The following NIPSNAP2 variants were observed in gnomAD, a reference collection of about 807,000 sequenced individuals.
NIPSNAP2 encodes protein NipSnap homolog 2.
In NIPSNAP2, 42 loss-of-function variants were observed where a neutral mutation model predicts 48.4. The ratio of observed to expected loss-of-function variants is 0.87; its 90% CI spans 0.68 to 1.12. The LOEUF (loss-of-function observed/expected upper bound fraction) is 1.12, where lower values mean the gene tolerates loss of function less well. Ranked by LOEUF, NIPSNAP2 falls within the 50% of genes most tolerant of loss-of-function variation. The pLI, the probability that NIPSNAP2 is intolerant of heterozygous loss-of-function variation, is 0.00. For synonymous variants in NIPSNAP2, 158 were observed against 126.6 expected (o/e 1.25, Z -1.67); for missense variants, 314 against 347.3 (o/e 0.90, Z 0.76).
At chr7:55,984,778 G>A in intron 6 of NIPSNAP2, 69 bp from the exon 7 acceptor site, 2 of 1,247,444 alleles carry the variant, frequency 1.6e-6, no homozygotes, top group Non-Finnish European at 2.3e-6. Context: ...TTTTTCTACT[G>A]CTGTTTGCTA....
At chr7:55,992,582 G>T (rs887841821) in intron 7 of NIPSNAP2, among the ~76,000 whole-genome samples, 1 of 152,098 alleles carries the variant, frequency 6.6e-6, no homozygotes, top group Admixed American at 6.6e-5. Context: ...TATGAAGTTT[G>T]CCTCCAGGAA....
chr7:55,983,928 G>A, intron 6 of NIPSNAP2, 60 bp downstream of exon 6: 6 of 1,510,874 alleles, frequency 4.0e-6, no homozygotes, highest in Non-Finnish European at 5.5e-6. Flanking sequence ...CAAGCATTTT[G>A]TAAGGCTGAC....
chr7:55,977,577 A>G (rs1325623210), intron 1 of NIPSNAP2, among the ~76,000 whole-genome samples: 1 of 152,202 alleles, frequency 6.6e-6, no homozygotes, highest in African/African-American at 2.4e-5. Context: ...ACATTGTTGT[A>G]CAATCATCAC....
At position 56,000,088 on chromosome 7, in the gene NIPSNAP2, G is replaced by A. The variant is rs1452618549; in HGVS notation, c.*1016G>A. ...AATCAAGAATGTATGTGTAAAGTGT[G>A]AATAAATCTCATATCAAATGTCAAA... On this transcript the variant is annotated 3_prime_UTR_variant, in exon 10 of 10. Coordinates refer to ENST00000322090, the MANE Select transcript of NIPSNAP2 (RefSeq NM_001483.3). 1 of 152,594 alleles carries A rather than the reference G, an allele frequency of 6.6e-6. No homozygotes were observed. The highest frequency in any genetic ancestry group is 1.9e-4 in the East Asian group (1 of 5,194). The allele number at this position is 152,594 out of a possible 1,614,324, so 9.5% of individuals were successfully genotyped here.
chr7:55,969,359 A>T (rs1032070139), intron 1 of NIPSNAP2, among the ~76,000 whole-genome samples: 1 of 149,832 alleles, frequency 6.7e-6, no homozygotes, highest in East Asian at 2.1e-4. Context: ...GTGCTTCCAA[A>T]TGCTGGTGCT....
At chr7:55,978,466 C>A in intron 3 of NIPSNAP2, 71 bp downstream of exon 3, 2 of 1,249,458 alleles carry the variant, frequency 1.6e-6, no homozygotes, top group Non-Finnish European at 2.3e-6. Context: ...TCCACTAACA[C>A]TTGATAGCAT....
chr7:55,971,030 G>A (rs1023823415), intron 1 of NIPSNAP2, among the ~76,000 whole-genome samples: 6 of 152,110 alleles, frequency 3.9e-5, no homozygotes, highest in Non-Finnish European at 7.3e-5. Context: ...CATAGAGCCC[G>A]GCATAGAATG....
chr7:55,984,885 A>G lies in NIPSNAP2; in HGVS notation c.617+7A>G, dbSNP rs1361338375. ...TTGAATGGGGCAATTACTGGTGAGT[A>G]TATTACTGAATGGTGATTTTTTAAG... On this transcript the variant is annotated splice_region_variant and intron_variant, in intron 7 of 9. Coordinates refer to ENST00000322090, the MANE Select transcript of NIPSNAP2 (RefSeq NM_001483.3). The G allele has an allele frequency of 1.2e-6, 2 of 1,602,712 alleles. No homozygotes were observed. The highest frequency in any genetic ancestry group is 2.2e-5 in the East Asian group (1 of 44,778).
At chr7:55,968,476 C>T (rs1786943810) in intron 1 of NIPSNAP2, among the ~76,000 whole-genome samples, 1 of 151,576 alleles carries the variant, frequency 6.6e-6, no homozygotes, top group African/African-American at 2.4e-5. Flanking sequence ...ACCTCTGCCT[C>T]CCGGGTTCAA....
chr7:55,984,144 A>G (rs1275924859), intron 6 of NIPSNAP2, among the ~76,000 whole-genome samples: 3 of 152,202 alleles, frequency 2.0e-5, no homozygotes, highest in East Asian at 1.9e-4. Flanking sequence ...ATAAGGTACA[A>G]TATGTAACAT....
At chr7:55,968,209 A>G (rs974013387) in intron 1 of NIPSNAP2, among the ~76,000 whole-genome samples, 1 of 152,132 alleles carries the variant, frequency 6.6e-6, no homozygotes, top group Non-Finnish European at 1.5e-5. Flanking sequence ...CACAAGAGCA[A>G]TGAAAGACAT....
chr7:55,973,457 ATTTATTTTAT>A (rs997785964), intron 1 of NIPSNAP2, among the ~76,000 whole-genome samples: 1 of 151,130 alleles, frequency 6.6e-6, no homozygotes, highest in Non-Finnish European at 1.5e-5. Context: ...TTTATTTTTA[ATTTATTTTAT>A]TTTATTTTAT....
At position 55,964,663 on chromosome 7, in the gene NIPSNAP2, G is replaced by C. The variant is rs1462110042; in HGVS notation, c.54G>C (p.Leu18=). Residue 18 remains leucine (L), a synonymous_variant, in exon 1 of 10, where the codon CTG becomes CTC. Coordinates refer to ENST00000322090, the MANE Select transcript of NIPSNAP2 (RefSeq NM_001483.3). ...ARGAAWAGGL[L]QRAAPCSLLP... ...GAGCGGCCTGGGCCGGCGGCCTCCT[G>C]CAGCGGGCGGCCCCCTGCAGCCTCC... The C allele has an allele frequency of 2.7e-6, 3 of 1,114,144 alleles. No individual in the cohort carries two copies. Among genetic ancestry groups the C allele is most frequent in the Non-Finnish European group, 3.3e-6 (3 of 913,162 alleles). 69.0% of individuals were successfully genotyped at this position (1,114,144 alleles called of 1,614,324 possible).
At chr7:55,993,360 C>T (rs554351444) in intron 7 of NIPSNAP2, among the ~76,000 whole-genome samples, 27 of 150,770 alleles carry the variant, frequency 1.8e-4, no homozygotes, top group Non-Finnish European at 2.8e-4. Context: ...TTTGGGAGGC[C>T]GAAGCGGGGC....
At position 55,982,714 on chromosome 7, in the gene NIPSNAP2, T is replaced by G. The variant is rs763980430; in HGVS notation, c.444+434T>G. On this transcript the variant is annotated intron_variant, in intron 5 of 9. Coordinates refer to ENST00000322090, the MANE Select transcript of NIPSNAP2 (RefSeq NM_001483.3). ...TTGCAGTGAGCTGAGATTGCGCCACTGTACTCCAGCCTGGGCGACAGAGCA... is the reference window on the plus strand; with the variant it reads ...TTGCAGTGAGCTGAGATTGCGCCACGGTACTCCAGCCTGGGCGACAGAGCA... Among the ~76,000 whole-genome samples the G allele has an allele frequency of 4.6e-5, 7 of 150,746 alleles. No homozygotes were observed. The Admixed American group carries it at 4.6e-4, about 10-fold the overall frequency.
intron 7 of NIPSNAP2, among the ~76,000 whole-genome samples, chr7:55,993,689 GAGATC>G (rs1787496077): frequency 6.6e-6 from 1 of 151,784 alleles, no homozygotes; most frequent in Non-Finnish European, 1.5e-5. Context: ...GCAGTAAGCT[GAGATC>G]ACGCCGCTGC....
chr7:55,968,779 A>C (rs976216413), intron 1 of NIPSNAP2, among the ~76,000 whole-genome samples: 2 of 152,162 alleles, frequency 1.3e-5, no homozygotes, highest in Non-Finnish European at 2.9e-5. Flanking sequence ...TAATCCTAGC[A>C]CTGTAGGAGG....
chr7:55,972,845 A>G (rs112999811), intron 1 of NIPSNAP2, among the ~76,000 whole-genome samples: 4 of 152,268 alleles, frequency 2.6e-5, no homozygotes, highest in Admixed American at 6.5e-5. Flanking sequence ...GTTCACGCCT[A>G]TAATCCCAGG....
chr7:55,986,317 A>G (rs934472349), intron 7 of NIPSNAP2, among the ~76,000 whole-genome samples: 1 of 152,088 alleles, frequency 6.6e-6, no homozygotes, highest in Non-Finnish European at 1.5e-5. Flanking sequence ...GCAGTGAGCC[A>G]TGATTGTACT....
Sources: allele counts gnomAD v4.1 joint callset (sites outside exome capture counted in the v4.1 genomes callset), GRCh38; gene constraint gnomAD v4.1.1; transcripts MANE v1.5; gene names NCBI Gene and HGNC (gene_info 2026-07-23, HGNC 2026-07-21).